The following RP1 variants were observed in gnomAD, a reference collection of about 807,000 sequenced individuals.
RP1 encodes RP1 axonemal microtubule associated.
Under a neutral mutation model 14.8 loss-of-function variants are expected in RP1, and 16 were observed. The ratio of observed to expected loss-of-function variants is 1.08; its 90% CI spans 0.73 to 1.65. RP1 has a LOEUF of 1.65. Ranked by LOEUF, RP1 falls within the 40% of genes most tolerant of loss-of-function variation. RP1 has a pLI of 0.00. For missense variants in RP1, 2,631 were observed against 2,535.0 expected (o/e 1.04, Z -0.81); for synonymous variants, 876 against 883.6 (o/e 0.99, Z 0.15).
rs1807407583 is a variant in RP1 at position 54,680,771 on chromosome 8, A to G, written c.1717+838A>G. ...CAGGAGATCGAGACCATCCTGGCTAACATGGTGAAACCCCGTCTCTACTAA... is the reference window on the plus strand; with the variant it reads ...CAGGAGATCGAGACCATCCTGGCTAGCATGGTGAAACCCCGTCTCTACTAA... On this transcript the variant is annotated intron_variant, in intron 12 of 22. Coordinates refer to the RP1 transcript ENST00000636932. Among the ~76,000 whole-genome samples, 3 of 152,050 alleles carry G rather than the reference A, an allele frequency of 2.0e-5. No homozygotes were observed. In the South Asian group the frequency reaches 6.2e-4, roughly 32 times the overall value.
chr8:54,851,176 TGCA>T, intron 25 of RP1, among the ~76,000 whole-genome samples: 1 of 152,332 alleles, frequency 6.6e-6, no homozygotes, highest in East Asian at 1.9e-4. Flanking sequence ...TGAGGCCATG[TGCA>T]GGTTAGCAGG....
intron 22 of RP1, among the ~76,000 whole-genome samples, chr8:54,764,274 C>G (rs914324981): frequency 2.6e-5 from 4 of 152,242 alleles, no homozygotes; most frequent in African/African-American, 9.6e-5. Flanking sequence ...GCCTACAGCT[C>G]AGCCAGGGCC....
rs201776270 is a variant in RP1 at position 54,670,553 on chromosome 8, GTA to G, written c.1324-3288_1324-3287del. Among the ~76,000 whole-genome samples, 58 of 79,062 alleles carry G rather than the reference GTA, an allele frequency of 7.3e-4. 6 individuals are homozygous for G. Among genetic ancestry groups the G allele is most frequent in the African/African-American group, 1.9e-3 (45 of 24,078 alleles). 51.9% of individuals were successfully genotyped at this position (79,062 alleles called of 152,430 possible). A position where few individuals can be genotyped will look rare whatever the true frequency, so the allele number is the denominator to read the frequency against. Reference sequence around the variant, plus strand: ...TATATACATATATATGTATGTATATGTATATATATACATATATATGTATGTAT... The same window carrying G: ...TATATACATATATATGTATGTATATGTATATATACATATATATGTATGTAT... On this transcript the variant is annotated intron_variant, in intron 7 of 22. Coordinates refer to the RP1 transcript ENST00000636932.
At chr8:54,666,714 C>G (rs1378095262) in intron 7 of RP1, among the ~76,000 whole-genome samples, 2 of 151,862 alleles carry the variant, frequency 1.3e-5, no homozygotes, top group Admixed American at 1.3e-4. Flanking sequence ...GCAGTCAGAC[C>G]TCTTCCAGGG....
At chr8:54,767,955 C>T (rs757258448) in intron 22 of RP1, among the ~76,000 whole-genome samples, 2 of 152,166 alleles carry the variant, frequency 1.3e-5, no homozygotes, top group East Asian at 1.9e-4. Context: ...GGTAGGACTG[C>T]GAGCTCACAG....
intron 14 of RP1, among the ~76,000 whole-genome samples, chr8:54,704,004 T>C (rs1051068607): frequency 4.6e-5 from 7 of 152,170 alleles, no homozygotes; most frequent in Non-Finnish European, 1.0e-4. Context: ...TTGGTTTTGG[T>C]CTTATATCCA....
At chr8:54,584,572 A>C (rs961079594) in intron 1 of RP1, among the ~76,000 whole-genome samples, 56 of 152,170 alleles carry the variant, frequency 3.7e-4, no homozygotes, top group African/African-American at 1.1e-3. Context: ...CTTTCTGTCT[A>C]GTTGATCTGT....
At chr8:54,743,797 C>T (rs559760656) in intron 19 of RP1, among the ~76,000 whole-genome samples, 6 of 152,110 alleles carry the variant, frequency 3.9e-5, no homozygotes, top group African/African-American at 1.2e-4. Flanking sequence ...CCAGTATTTA[C>T]GTGAGCAATT....
rs144723344 is a variant in RP1 at position 54,855,602 on chromosome 8, A to G, written c.3991-1426A>G. 1.3e-3 allele frequency among the ~76,000 whole-genome samples: 198 copies of G among 152,316 alleles called. 1 individual carries two copies. Among genetic ancestry groups the G allele is most frequent in the African/African-American group, 4.4e-3 (183 of 41,570 alleles). On this transcript the variant is annotated intron_variant, in intron 26 of 28. Coordinates refer to the RP1 transcript ENST00000637698. ...GATATTGTAAAAACATACTGGCAAA[A>G]GACTTGTTTGCAGACTGTGTATAGA...
intron 1 of RP1, among the ~76,000 whole-genome samples, chr8:54,616,874 A>G (rs1805731006): frequency 6.6e-6 from 1 of 152,232 alleles, no homozygotes; most frequent in South Asian, 2.1e-4. Context: ...GTAGAGGCCA[A>G]CTATTTAGTT....
intron 19 of RP1, among the ~76,000 whole-genome samples, chr8:54,740,041 A>G (rs1809034213): frequency 1.3e-5 from 2 of 150,016 alleles, no homozygotes; most frequent in East Asian, 1.9e-4. Flanking sequence ...TGTGTTTTAT[A>G]TATATGTAAT....
At position 54,782,391 on chromosome 8, in the gene RP1, G is replaced by C. The variant is rs555264660; in HGVS notation, c.3452-1156G>C. 6.6e-5 allele frequency among the ~76,000 whole-genome samples: 10 copies of C among 152,280 alleles called. No homozygotes were observed. The South Asian group carries it at 2.1e-3, about 32-fold the overall frequency. On this transcript the variant is annotated intron_variant, in intron 23 of 28. Transcript: ENST00000637698. The stretch of plus-strand genomic sequence containing the variant: ...TGATGTTTATGTATATACAGACAGT[G>C]GTGGGTGGGGAGTAGCATTGTGTTT...
intron 17 of RP1, among the ~76,000 whole-genome samples, chr8:54,730,238 T>A (rs999057418): frequency 3.4e-4 from 52 of 152,216 alleles, no homozygotes; most frequent in African/African-American, 1.2e-3. Flanking sequence ...AAAACAACCA[T>A]TGTTGTTTTT....
At chr8:54,743,805 A>G (rs1354087701) in intron 19 of RP1, among the ~76,000 whole-genome samples, 1 of 152,100 alleles carries the variant, frequency 6.6e-6, no homozygotes, top group Non-Finnish European at 1.5e-5. Context: ...TACGTGAGCA[A>G]TTCAAAGAAG....
intron 12 of RP1, among the ~76,000 whole-genome samples, chr8:54,680,300 A>T (rs1198610166): frequency 1.3e-5 from 2 of 152,208 alleles, no homozygotes; most frequent in Non-Finnish European, 2.9e-5. Flanking sequence ...AATAATTATT[A>T]TTTGTAGCTA....
chr8:54,742,231 C>T (rs977787832), intron 19 of RP1, among the ~76,000 whole-genome samples: 12 of 152,176 alleles, frequency 7.9e-5, no homozygotes, highest in African/African-American at 2.9e-4. Context: ...GCTTTAAATA[C>T]TATATCTGTC....
At chr8:54,769,860 A>G in exon 23 of RP1, 2 of 1,180,728 alleles carry the variant, frequency 1.7e-6, no homozygotes, top group Non-Finnish European at 2.4e-6. Context: ...ACATCTGGAC[A>G]TCATGGAACA....
chr8:54,723,500 G>A (rs1808581625), intron 16 of RP1, among the ~76,000 whole-genome samples: 1 of 152,054 alleles, frequency 6.6e-6, no homozygotes, highest in African/African-American at 2.4e-5. Context: ...GTTCTTGCTA[G>A]CTTGTGCAGT....
intron 19 of RP1, among the ~76,000 whole-genome samples, chr8:54,745,298 G>C (rs561088100): frequency 1.3e-5 from 2 of 152,234 alleles, no homozygotes; most frequent in Admixed American, 6.5e-5. Context: ...CCTTTTCTCA[G>C]GTTCTGAGAG....
Sources: allele counts gnomAD v4.1 joint callset (sites outside exome capture counted in the v4.1 genomes callset), GRCh38; gene constraint gnomAD v4.1.1; transcripts MANE v1.5; gene names NCBI Gene and HGNC (gene_info 2026-07-23, HGNC 2026-07-21).